The following ABCB7 variants were observed in gnomAD, a reference collection of about 807,000 sequenced individuals.
The protein encoded by ABCB7 is ATP binding cassette subfamily B member 7, also known as iron-sulfur clusters transporter ABCB7, mitochondrial.
A neutral mutation model predicts 54.4 loss-of-function variants in ABCB7; 7 were observed. The ratio of observed to expected loss-of-function variants is 0.13; its 90% CI spans 0.07 to 0.24. The LOEUF (loss-of-function observed/expected upper bound fraction) is 0.24, where lower values mean the gene tolerates loss of function less well. ABCB7 is among the 10% of genes least tolerant of loss of function. The pLI, the probability that ABCB7 is intolerant of heterozygous loss-of-function variation, is 1.00. For synonymous variants in ABCB7, 218 were observed against 207.1 expected, an observed-to-expected ratio of 1.05 and a Z score of -0.45; for missense variants, 356 against 570.4, an observed-to-expected ratio of 0.62 and a Z score of 3.83.
chrX:75,066,086 T>C (rs948117039), intron 12 of ABCB7, among the ~76,000 whole-genome samples: 2 of 112,096 alleles, frequency 1.8e-5, no homozygotes, highest in Non-Finnish European at 3.8e-5. Flanking sequence ...AATATATATA[T>C]TTTTGGAGAA....
intron 1 of ABCB7, among the ~76,000 whole-genome samples, chrX:75,127,307 C>A (rs928527856): frequency 3.6e-5 from 4 of 111,554 alleles, no homozygotes; most frequent in South Asian, 3.8e-4. Context: ...ATGAAAAAAA[C>A]CACATGATTA....
At chrX:75,139,494 T>G (rs1159458132) in intron 1 of ABCB7, among the ~76,000 whole-genome samples, 1 of 112,124 alleles carries the variant, frequency 8.9e-6, no homozygotes, top group East Asian at 2.8e-4. Flanking sequence ...AAGCCTGAAG[T>G]AACTCTCTCA....
chrX:75,077,061 A>G (rs1340505889), intron 4 of ABCB7, among the ~76,000 whole-genome samples: 1 of 111,828 alleles, frequency 8.9e-6, no homozygotes, highest in Non-Finnish European at 1.9e-5. Flanking sequence ...GTGTCATTTT[A>G]CTTTTTGTCC....
rs1231362080 is a variant in ABCB7, at chrX:75,098,981, A to G, written c.414T>C (p.Ala138=). 3 of 1,211,636 alleles carry G rather than the reference A, an allele frequency of 2.5e-6. No homozygotes were observed. In the South Asian group the frequency reaches 5.3e-5, roughly 21 times the overall value. ...AAAATCCCAGCGAAATGGCAACTCT[A>G]GCTCGTAGATCTGGCCTGTCTTTGG... ...VWPKDRPDLR[A]RVAISLGFLG... is the part of the protein sequence containing the mutation. The change falls in exon 4 of 16, where the codon GCT becomes GCC. Residue 138 remains alanine (A), a synonymous_variant. Coordinates refer to ENST00000373394, the MANE Select transcript of ABCB7 (RefSeq NM_001271696.3).
chrX:75,149,870 T>TA (rs1197886600), intron 1 of ABCB7, among the ~76,000 whole-genome samples: 8 of 109,695 alleles, frequency 7.3e-5, no homozygotes, highest in Admixed American at 3.9e-4. Flanking sequence ...GGGTGTGGCA[T>TA]AAAAAAAAGA....
intron 1 of ABCB7, among the ~76,000 whole-genome samples, chrX:75,141,298 T>A (rs2082051311): frequency 2.7e-5 from 3 of 111,638 alleles, no homozygotes; most frequent in African/African-American, 9.8e-5. Context: ...TGTAGAAAAT[T>A]TGGAAAATAT....
At chrX:75,066,761 G>T (rs1362015573) in intron 12 of ABCB7, among the ~76,000 whole-genome samples, 1 of 110,941 alleles carries the variant, frequency 9.0e-6, no homozygotes, top group Non-Finnish European at 1.9e-5. Flanking sequence ...TTTCTCTACT[G>T]CAATGTATTC....
intron 1 of ABCB7, among the ~76,000 whole-genome samples, chrX:75,145,283 A>C (rs907417637): frequency 1.8e-5 from 2 of 111,292 alleles, no homozygotes; most frequent in Admixed American, 9.6e-5. Context: ...ACACCAAAAA[A>C]AACTTCAGGC....
chrX:75,089,419 G>C (rs1015738812), intron 4 of ABCB7, among the ~76,000 whole-genome samples: 2 of 111,064 alleles, frequency 1.8e-5, no homozygotes, highest in Admixed American at 1.9e-4. Flanking sequence ...GTGATAGGGG[G>C]AATGAATTGG....
chrX:75,136,190 T>C (rs918008023), intron 1 of ABCB7, among the ~76,000 whole-genome samples: 3 of 111,403 alleles, frequency 2.7e-5, no homozygotes, highest in African/African-American at 9.8e-5. Flanking sequence ...GCAGCATTTA[T>C]ACACACTAAT....
At position 75,058,397 on chromosome X, in the gene ABCB7, A is replaced by G. The variant is rs2081258246; in HGVS notation, c.2043+1826T>C. On this transcript the variant is annotated intron_variant, in intron 15 of 15. Transcript: ENST00000373394. ...TTTATTTCTTCACTTTCATTTTAGT[A>G]TGGTTAGGGGAAGAAGAGATAAACA... Among the ~76,000 whole-genome samples, 2 of 111,415 alleles carry G rather than the reference A, an allele frequency of 1.8e-5. 1 individual carries two copies. Among genetic ancestry groups the G allele is most frequent in the South Asian group, 7.6e-4 (2 of 2,642 alleles).
At chrX:75,105,186 A>G (rs1488308599) in intron 3 of ABCB7, among the ~76,000 whole-genome samples, 1 of 111,149 alleles carries the variant, frequency 9.0e-6, no homozygotes, top group Admixed American at 9.6e-5. Flanking sequence ...TACAGCAATC[A>G]GAGAAGAGAA....
rs1602322159 is a variant in ABCB7 at position 75,053,092 on chromosome X, T to C, written c.*278A>G. ...CATCTGGCTATAGATCAAATGAATGTCAGGCCTCAAGAGGGTAATGTGGTA... is the reference window on the plus strand; with the variant it reads ...CATCTGGCTATAGATCAAATGAATGCCAGGCCTCAAGAGGGTAATGTGGTA... On this transcript the variant is annotated 3_prime_UTR_variant, in exon 16 of 16. Coordinates refer to ENST00000373394, the MANE Select transcript of ABCB7 (RefSeq NM_001271696.3). 4 of 331,534 alleles carry C rather than the reference T, an allele frequency of 1.2e-5. No individual in the cohort carries two copies. The highest frequency in any genetic ancestry group is 7.9e-5 in the African/African-American group (3 of 38,138). The allele number at this position is 331,534 out of a possible 1,213,427, so 27.3% of individuals were successfully genotyped here. A position where few individuals can be genotyped will look rare whatever the true frequency, so the allele number is the denominator to read the frequency against.
intron 14 of ABCB7, 98 bp downstream of exon 14, chrX:75,062,230 A>C (rs1446891270): frequency 1.3e-6 from 1 of 752,056 alleles, no homozygotes; most frequent in Non-Finnish European, 2.0e-6. Context: ...CTTACTATTG[A>C]AGTTTATTCA....
intron 12 of ABCB7, among the ~76,000 whole-genome samples, chrX:75,066,412 G>A (rs1256741765): frequency 2.7e-5 from 3 of 111,167 alleles, no homozygotes; most frequent in Non-Finnish European, 5.7e-5. Flanking sequence ...AACAGAAACT[G>A]CTTATTTTAA....
chrX:75,137,710 A>G (rs964949316), intron 1 of ABCB7, among the ~76,000 whole-genome samples: 20 of 112,417 alleles, frequency 1.8e-4, no homozygotes, highest in African/African-American at 6.1e-4. Flanking sequence ...TAAAAAAATG[A>G]TATCATGTCC....
intron 1 of ABCB7, among the ~76,000 whole-genome samples, chrX:75,122,861 G>GGTGTGTGTGTGTGTGTGTGTGTGTGT (rs58879235): frequency 3.2e-5 from 3 of 93,152 alleles, no homozygotes; most frequent in East Asian, 4.2e-4. Context: ...TTAAAATTGG[G>GGTGTGTGTGTGTGTGTGTGTGTGTGT]GTGTGTGTGT....
At chrX:75,102,839 A>G (rs1188599915) in intron 3 of ABCB7, among the ~76,000 whole-genome samples, 1 of 110,913 alleles carries the variant, frequency 9.0e-6, no homozygotes, top group Non-Finnish European at 1.9e-5. Flanking sequence ...CTTTTTATTC[A>G]TGGCCATTAT....
intron 3 of ABCB7, among the ~76,000 whole-genome samples, chrX:75,101,767 T>G (rs1340144199): frequency 3.6e-5 from 4 of 111,873 alleles, no homozygotes; most frequent in Non-Finnish European, 5.7e-5. Context: ...AAACACTCTC[T>G]TCTATCAAAA....
Sources: allele counts gnomAD v4.1 joint callset (sites outside exome capture counted in the v4.1 genomes callset), GRCh38; gene constraint gnomAD v4.1.1; transcripts MANE v1.5; gene names NCBI Gene and HGNC (gene_info 2026-07-23, HGNC 2026-07-21).